CSMD2: variants seen among roughly 807,000 people sequenced by gnomAD.
CSMD2 encodes CUB and Sushi multiple domains 2.
CSMD2 carries 130 observed loss-of-function variants against 398.5 expected under a neutral mutation model. The ratio of observed to expected loss-of-function variants is 0.33; its 90% CI spans 0.28 to 0.38. The LOEUF is 0.38. CSMD2 is among the 10% of genes least tolerant of loss of function. The pLI is 1.00. For missense variants in CSMD2, 3,829 were observed against 4,764.9 expected, an observed-to-expected ratio of 0.80 and a Z score of 5.78; for synonymous variants, 1,828 against 1,908.5, an observed-to-expected ratio of 0.96 and a Z score of 1.10.
chr1:33,532,955 A>T (rs950788542), intron 64 of CSMD2, 95 bp downstream of exon 64: 8 of 1,144,934 alleles, frequency 7.0e-6, no homozygotes, highest in African/African-American at 6.2e-5. Context: ...CTTGAAACGC[A>T]ATTCCTTCCT....
intron 3 of CSMD2, among the ~76,000 whole-genome samples, chr1:34,031,765 CAAAAA>C (rs556094322): frequency 4.1e-4 from 29 of 71,256 alleles, no homozygotes; most frequent in South Asian, 1.7e-3. Context: ...AAGGCAAAGG[CAAAAA>C]AAAAAAAAAA....
At chr1:33,774,107 T>TTGTGTGTGTGTG (rs61454614) in intron 12 of CSMD2, among the ~76,000 whole-genome samples, 4 of 141,618 alleles carry the variant, frequency 2.8e-5, no homozygotes, top group South Asian at 2.3e-4. Flanking sequence ...ATGGCTGGGA[T>TTGTGTGTGTGTG]TGTGTGTGTG....
chr1:33,762,913 T>C (rs2149306399), intron 13 of CSMD2, among the ~76,000 whole-genome samples: 1 of 152,230 alleles, frequency 6.6e-6, no homozygotes, highest in South Asian at 2.1e-4. Flanking sequence ...TTAAATTAAA[T>C]GAAAAACATC....
chr1:33,676,836 C>A (rs1249243045), intron 25 of CSMD2, among the ~76,000 whole-genome samples: 1 of 152,094 alleles, frequency 6.6e-6, no homozygotes, highest in Non-Finnish European at 1.5e-5. Context: ...CTTTGACAAA[C>A]CTGAGAAAAA....
At chr1:33,601,038 T>G (rs1348876894) in intron 43 of CSMD2, 28 bp from the exon 44 acceptor site, 1 of 1,613,404 alleles carries the variant, frequency 6.2e-7, no homozygotes, top group East Asian at 2.2e-5. Flanking sequence ...GGTCCTGGCA[T>G]GTCACTAGTC....
intron 4 of CSMD2, among the ~76,000 whole-genome samples, chr1:33,927,873 C>T (rs1644179199): frequency 6.6e-6 from 1 of 152,198 alleles, no homozygotes; most frequent in East Asian, 1.9e-4. Flanking sequence ...TGGCTTTCTT[C>T]ATAGGATGGA....
intron 2 of CSMD2, among the ~76,000 whole-genome samples, chr1:34,077,736 CAAAAAAAAAAAAAA>C (rs59532141): frequency 1.6e-4 from 6 of 38,352 alleles, no homozygotes; most frequent in African/African-American, 5.6e-4. Context: ...GACTCCATCT[CAAAAAAAAAAAAAA>C]AAAAAAAAAA....
At chr1:34,147,131 G>A (rs890209186) in intron 1 of CSMD2, among the ~76,000 whole-genome samples, 10 of 152,120 alleles carry the variant, frequency 6.6e-5, no homozygotes, top group South Asian at 6.2e-4. Flanking sequence ...GGTGGCAGGC[G>A]CGTGTAGTCC....
At chr1:33,531,884 A>C (rs1204432043) in intron 64 of CSMD2, among the ~76,000 whole-genome samples, 1 of 152,188 alleles carries the variant, frequency 6.6e-6, no homozygotes, top group Non-Finnish European at 1.5e-5. Context: ...AAATTCTGGA[A>C]ATGGATAGTG....
chr1:34,052,633 G>C (rs1356584466), intron 2 of CSMD2, among the ~76,000 whole-genome samples: 1 of 151,962 alleles, frequency 6.6e-6, no homozygotes, highest in African/African-American at 2.4e-5. Context: ...ATTTATATGT[G>C]TGTACTTGTT....
At chr1:34,017,216 T>C (rs1648254245) in intron 3 of CSMD2, among the ~76,000 whole-genome samples, 1 of 152,222 alleles carries the variant, frequency 6.6e-6, no homozygotes, top group African/African-American at 2.4e-5. Context: ...ATTAAAGCTA[T>C]ATAAAACAAC....
At chr1:33,990,804 C>G (rs1324724288) in intron 3 of CSMD2, among the ~76,000 whole-genome samples, 1 of 152,180 alleles carries the variant, frequency 6.6e-6, no homozygotes, top group Non-Finnish European at 1.5e-5. Flanking sequence ...CCAGTTACCT[C>G]CTACCCTTTC....
intron 1 of CSMD2, among the ~76,000 whole-genome samples, chr1:34,107,220 T>C (rs1261065051): frequency 6.6e-6 from 1 of 152,148 alleles, no homozygotes; most frequent in African/African-American, 2.4e-5. Context: ...CACGGGACAA[T>C]GGCTAAGCAC....
intron 37 of CSMD2, among the ~76,000 whole-genome samples, chr1:33,618,640 C>T (rs1641554981): frequency 6.6e-6 from 1 of 152,014 alleles, no homozygotes; most frequent in South Asian, 2.1e-4. Flanking sequence ...AATCTTCCTC[C>T]TCCTCCTTTC....
At chr1:33,850,668 C>A (rs955724069) in intron 5 of CSMD2, among the ~76,000 whole-genome samples, 1 of 152,152 alleles carries the variant, frequency 6.6e-6, no homozygotes, top group Non-Finnish European at 1.5e-5. Flanking sequence ...AACTTCACTA[C>A]GGGGGGCTTG....
intron 5 of CSMD2, among the ~76,000 whole-genome samples, chr1:33,858,475 C>G (rs1444123763): frequency 6.6e-6 from 1 of 152,174 alleles, no homozygotes; most frequent in East Asian, 1.9e-4. Context: ...GAGTTCGAAG[C>G]CTGGCTCTGC....
chr1:33,596,391 CT>C (rs1455892720), intron 44 of CSMD2, among the ~76,000 whole-genome samples: 4 of 152,196 alleles, frequency 2.6e-5, no homozygotes, highest in African/African-American at 7.2e-5. Flanking sequence ...GTGGCTCCCC[CT>C]GACACCCCGG....
intron 19 of CSMD2, among the ~76,000 whole-genome samples, chr1:33,718,195 G>A (rs540794225): frequency 6.6e-6 from 1 of 152,312 alleles, no homozygotes; most frequent in South Asian, 2.1e-4. Flanking sequence ...AGCTACTCCA[G>A]GGTGCGGCCT....
intron 43 of CSMD2, 86 bp from the exon 44 acceptor site, chr1:33,601,096 AC>A: frequency 6.5e-7 from 1 of 1,540,116 alleles, no homozygotes; most frequent in Non-Finnish European, 8.8e-7. Flanking sequence ...CTTAAGACAG[AC>A]CTGGAGTGGG....
Sources: allele counts gnomAD v4.1 joint callset (sites outside exome capture counted in the v4.1 genomes callset), GRCh38; gene constraint gnomAD v4.1.1; transcripts MANE v1.5; gene names NCBI Gene and HGNC (gene_info 2026-07-23, HGNC 2026-07-21).